ZCWPW2: variants seen among roughly 807,000 people sequenced by gnomAD.
The protein encoded by ZCWPW2 is zinc finger CW-type PWWP domain protein 2.
A neutral mutation model predicts 46.6 loss-of-function variants in ZCWPW2; 45 were observed. The observed-to-expected ratio is 0.96, with a 90% confidence interval of 0.76 to 1.24. The LOEUF (loss-of-function observed/expected upper bound fraction) is 1.24, where lower values mean the gene tolerates loss of function less well. Ranked by LOEUF, ZCWPW2 falls within the 50% of genes most tolerant of loss-of-function variation. ZCWPW2 has a pLI of 0.00. For missense variants in ZCWPW2, 429 were observed against 403.9 expected, an observed-to-expected ratio of 1.06 and a Z score of -0.53; for synonymous variants, 152 against 137.1, an observed-to-expected ratio of 1.11 and a Z score of -0.76.
chr3:28,513,439 A>C (rs1255521364), intron 6 of ZCWPW2, among the ~76,000 whole-genome samples: 1 of 152,080 alleles, frequency 6.6e-6, no homozygotes, highest in East Asian at 1.9e-4. Context: ...TCCCCATGTC[A>C]GACTGCGTAC....
At chr3:28,352,359 G>C (rs1233695072) in intron 1 of ZCWPW2, among the ~76,000 whole-genome samples, 3 of 152,134 alleles carry the variant, frequency 2.0e-5, no homozygotes. Context: ...TTAATTCTCA[G>C]GTTGTCAACT....
intron 3 of ZCWPW2, among the ~76,000 whole-genome samples, chr3:28,421,628 C>T (rs1256150646): frequency 6.6e-6 from 1 of 151,954 alleles, no homozygotes; most frequent in Non-Finnish European, 1.5e-5. Context: ...CAGTACCCAG[C>T]TGAGGAATAT....
intron 4 of ZCWPW2, among the ~76,000 whole-genome samples, chr3:28,449,048 AG>A (rs1698123008): frequency 1.3e-5 from 2 of 152,218 alleles, no homozygotes; most frequent in Middle Eastern, 3.4e-3. Context: ...CCTATAGACA[AG>A]TGGAATAGAA....
chr3:28,524,627 A>G lies in ZCWPW2; in HGVS notation c.1010A>G (p.Glu337Gly), dbSNP rs1232090917. The G allele has an allele frequency of 6.2e-7, 1 of 1,606,988 alleles. No individual in the cohort carries two copies. The highest frequency in any genetic ancestry group is 2.2e-5 in the East Asian group (1 of 44,588). ...GATGGGATAAAATTAAAAGCTGGAG[A>G]ATGTATTGAGGATATAACTAATAAA... ...VIDGIKLKAG[E>G]CIEDITNKFK... Residue 337 changes from glutamate (E) to glycine (G), a missense_variant, in exon 10 of 10, where the codon GAA (glutamate) becomes GGA (glycine). Physicochemically the swap from Glu to Gly is moderately conservative, Grantham distance 98 (BLOSUM62 -2). Transcript: ENST00000383768.
At chr3:28,410,538 A>G (rs923465460) in intron 2 of ZCWPW2, among the ~76,000 whole-genome samples, 11 of 152,150 alleles carry the variant, frequency 7.2e-5, no homozygotes, top group African/African-American at 1.9e-4. Flanking sequence ...ATACAATTAC[A>G]TTAAAAATCA....
intron 1 of ZCWPW2, among the ~76,000 whole-genome samples, chr3:28,367,710 C>A (rs1172122830): frequency 6.6e-6 from 1 of 152,124 alleles, no homozygotes; most frequent in Non-Finnish European, 1.5e-5. Flanking sequence ...TTTTAACTTT[C>A]TATCTCGTTG....
rs144044426 is a variant in ZCWPW2, at chr3:28,430,551, G to A, written c.333-4559G>A. Among the ~76,000 whole-genome samples the A allele has an allele frequency of 1.5e-3, 229 of 152,324 alleles. 1 individual carries two copies. The highest frequency in any genetic ancestry group is 5.0e-3 in the African/African-American group (207 of 41,570). On this transcript the variant is annotated intron_variant, in intron 3 of 9. Coordinates refer to ENST00000383768, the MANE Select transcript of ZCWPW2 (RefSeq NM_001040432.4). ...AAGACTTTGGAGGACTGTTGGAAGGGCATGATTGTGTTTTGTAATGTGAGG... is the reference window on the plus strand; with the variant it reads ...AAGACTTTGGAGGACTGTTGGAAGGACATGATTGTGTTTTGTAATGTGAGG...
chr3:28,410,074 A>T (rs1235542240), intron 2 of ZCWPW2, among the ~76,000 whole-genome samples: 2 of 152,168 alleles, frequency 1.3e-5, no homozygotes, highest in Admixed American at 6.5e-5. Flanking sequence ...TGGACCAAGT[A>T]GTTTGGTTCC....
At chr3:28,370,245 C>T (rs1245361883) in intron 1 of ZCWPW2, among the ~76,000 whole-genome samples, 3 of 152,194 alleles carry the variant, frequency 2.0e-5, no homozygotes, top group Admixed American at 6.5e-5. Flanking sequence ...TCTTCTGCAT[C>T]GCTCACGCTG....
intron 9 of ZCWPW2, 26 bp downstream of exon 9, chr3:28,521,142 C>G: frequency 6.4e-7 from 1 of 1,571,614 alleles, no homozygotes; most frequent in Non-Finnish European, 8.6e-7. Context: ...ATTTTCAGAC[C>G]TAAATAACAA....
At chr3:28,485,009 T>C (rs1002318075) in intron 5 of ZCWPW2, among the ~76,000 whole-genome samples, 1 of 152,122 alleles carries the variant, frequency 6.6e-6, no homozygotes, top group Non-Finnish European at 1.5e-5. Flanking sequence ...TTTTAGAGCT[T>C]TTTTCTTTTC....
intron 8 of ZCWPW2, among the ~76,000 whole-genome samples, chr3:28,518,300 C>G (rs1349606290): frequency 1.3e-5 from 2 of 150,620 alleles, no homozygotes; most frequent in African/African-American, 4.9e-5. Flanking sequence ...AGAGAAACTA[C>G]AAGATAATCA....
chr3:28,487,561 T>A (rs1447865500), intron 5 of ZCWPW2, among the ~76,000 whole-genome samples: 1 of 152,192 alleles, frequency 6.6e-6, no homozygotes, highest in Non-Finnish European at 1.5e-5. Flanking sequence ...ATGGTTGTTT[T>A]AAATTCATGA....
At chr3:28,426,796 T>G (rs886396483) in intron 3 of ZCWPW2, among the ~76,000 whole-genome samples, 1 of 152,162 alleles carries the variant, frequency 6.6e-6, no homozygotes, top group Non-Finnish European at 1.5e-5. Context: ...CCAAGTAAAG[T>G]TTGCTCTCCA....
intron 4 of ZCWPW2, 106 bp downstream of exon 4, chr3:28,435,375 T>A (rs1340935248): frequency 1.0e-6 from 1 of 983,306 alleles, no homozygotes; most frequent in Non-Finnish European, 1.4e-6. Context: ...TAGATTGATA[T>A]AATGTATGCT....
intron 4 of ZCWPW2, among the ~76,000 whole-genome samples, chr3:28,444,501 C>A (rs1697907200): frequency 6.6e-6 from 1 of 152,122 alleles, no homozygotes; most frequent in African/African-American, 2.4e-5. Flanking sequence ...CTAGTGTCCC[C>A]AGCTTCATCA....
intron 3 of ZCWPW2, among the ~76,000 whole-genome samples, chr3:28,420,033 C>T (rs1224054454): frequency 1.3e-5 from 2 of 150,454 alleles, no homozygotes; most frequent in East Asian, 3.9e-4. Context: ...ATGTAACAAA[C>T]CTGCACGTTG....
rs150553689 is a variant in ZCWPW2, at chr3:28,427,187, T to C, written c.333-7923T>C. On this transcript the variant is annotated intron_variant, in intron 3 of 9. Coordinates refer to ENST00000383768, the MANE Select transcript of ZCWPW2 (RefSeq NM_001040432.4). Reference sequence around the variant, plus strand: ...TCCCTTTCATCATTAAATCTCCTGATAATGCTTCAGAATTTCTCATCCGAG... The same window carrying C: ...TCCCTTTCATCATTAAATCTCCTGACAATGCTTCAGAATTTCTCATCCGAG... Among the ~76,000 whole-genome samples the C allele has an allele frequency of 8.9e-3, 1,349 of 152,330 alleles. 65 individuals carry two copies. The highest frequency in any genetic ancestry group is 0.08 in the Admixed American group (1,218 of 15,298).
intron 1 of ZCWPW2, among the ~76,000 whole-genome samples, chr3:28,380,226 C>T (rs994386352): frequency 3.3e-5 from 5 of 151,986 alleles, no homozygotes; most frequent in African/African-American, 7.2e-5. Context: ...CCTCATGATC[C>T]GCCCACCTTG....
Sources: gnomAD v4.1 joint callset for allele counts (sites outside exome capture counted in the v4.1 genomes callset) on GRCh38, gnomAD v4.1.1 for gene constraint, MANE v1.5 for transcripts, NCBI Gene and HGNC (gene_info 2026-07-23, HGNC 2026-07-21) for gene names.